The following POLR3E variants were observed in gnomAD, a reference collection of about 807,000 sequenced individuals.
POLR3E encodes DNA-directed RNA polymerase III subunit RPC5.
Under a neutral mutation model 96.6 loss-of-function variants are expected in POLR3E, and 41 were observed. The observed-to-expected ratio is 0.42, with a 90% CI of 0.33 to 0.55. POLR3E has a LOEUF of 0.55. POLR3E is among the 20% of genes least tolerant of loss of function. POLR3E has a pLI of 0.06. For missense variants in POLR3E, 849 were observed against 952.1 expected, an observed-to-expected ratio of 0.89 and a Z score of 1.43; for synonymous variants, 396 against 383.6, an observed-to-expected ratio of 1.03 and a Z score of -0.38.
intron 18 of POLR3E, chr16:22,328,270 C>T (rs1484010108): frequency 1.3e-5 from 7 of 535,684 alleles, no homozygotes; most frequent in South Asian, 2.3e-5. Flanking sequence ...GGGCCCATCA[C>T]ACTCCCCCTC....
At chr16:22,305,322 A>G in intron 3 of POLR3E, 116 bp downstream of exon 3, 1 of 802,226 alleles carries the variant, frequency 1.2e-6, no homozygotes, top group South Asian at 1.3e-5. Flanking sequence ...CGGTGTGGAG[A>G]GTGTCATGGG....
chr16:22,328,354 T>C, intron 18 of POLR3E, 156 bp from the exon 19 acceptor site: 1 of 658,148 alleles, frequency 1.5e-6, no homozygotes. Context: ...CACAGGTTTG[T>C]GGCTGCCCAA....
At chr16:22,300,483 G>A (rs1327108078) in intron 1 of POLR3E, among the ~76,000 whole-genome samples, 1 of 152,224 alleles carries the variant, frequency 6.6e-6, no homozygotes, top group Admixed American at 6.5e-5. Flanking sequence ...GGCCAACAGG[G>A]CATAGCAATA....
chr16:22,309,311 G>T, intron 5 of POLR3E, 117 bp from the exon 6 acceptor site: 3 of 847,598 alleles, frequency 3.5e-6, no homozygotes, highest in African/African-American at 3.3e-5. Context: ...CTGCCCTGCG[G>T]CCTTGGTCCC....
At chr16:22,306,848 C>T (rs914807621) in intron 3 of POLR3E, among the ~76,000 whole-genome samples, 1 of 152,202 alleles carries the variant, frequency 6.6e-6, no homozygotes, top group African/African-American at 2.4e-5. Flanking sequence ...TCCCATGATG[C>T]ACATGAGAAC....
At chr16:22,314,010 C>A (rs995878192) in intron 7 of POLR3E, 69 bp from the exon 8 acceptor site, 1 of 1,371,090 alleles carries the variant, frequency 7.3e-7, no homozygotes, top group Non-Finnish European at 1.0e-6. Context: ...GCTTCCCTGG[C>A]GGGTGGGGTT....
Position 22,313,875 on chromosome 16 carries a change from G to A in POLR3E, c.472+148G>A, listed in dbSNP as rs934888833. On this transcript the variant is annotated intron_variant, in intron 7 of 20. Transcript: ENST00000299853. This position sits in a 1 kb window ranked among gnomAD's most constrained non-coding sequence, Gnocchi z 4.1. Reference sequence around the variant, plus strand: ...TGCCAGAAGCACCCACCCCACAGTCGTGACAATCAAAAAGGTCACATTGCC... The same window carrying A: ...TGCCAGAAGCACCCACCCCACAGTCATGACAATCAAAAAGGTCACATTGCC... 3.4e-5 allele frequency: 24 copies of A among 701,430 alleles called. No homozygotes were observed. Among genetic ancestry groups the A allele is most frequent in the Middle Eastern group, 3.8e-4 (1 of 2,644 alleles). 43.5% of individuals were successfully genotyped at this position (701,430 alleles called of 1,614,324 possible). A position where few individuals can be genotyped will look rare whatever the true frequency, so the allele number is the denominator to read the frequency against.
chr16:22,302,074 C>A (rs774749800), intron 1 of POLR3E, among the ~76,000 whole-genome samples: 2 of 152,028 alleles, frequency 1.3e-5, no homozygotes, highest in Non-Finnish European at 2.9e-5. Flanking sequence ...AAATACTCAA[C>A]CTGCCCCGTG....
chr16:22,309,501 T>A lies in POLR3E; in HGVS notation c.355T>A (p.Tyr119Asn). 1 of 1,611,944 alleles carries A rather than the reference T, an allele frequency of 6.2e-7. No homozygotes were observed. The highest frequency in any genetic ancestry group is 8.5e-7 in the Non-Finnish European group (1 of 1,178,338). Reference protein sequence around the residue: ...SNTSRYAAALYRQGELHLTPL... With the variant: ...SNTSRYAAALNRQGELHLTPL... ...CACATCCCGTTATGCCGCTGCACTCTACAGGCAAGGTACCCGGGGCTGGGT... is the reference window on the plus strand; with the variant it reads ...CACATCCCGTTATGCCGCTGCACTCAACAGGCAAGGTACCCGGGGCTGGGT... The change falls in exon 6 of 21, where the codon TAC (tyrosine) becomes AAC (asparagine). Residue 119 changes from tyrosine (Y) to asparagine (N), a missense_variant. Tyr to Asn is a moderately radical substitution (Grantham distance 143). Transcript: ENST00000299853.
At chr16:22,329,981 AT>A (rs1379366391) in intron 19 of POLR3E, among the ~76,000 whole-genome samples, 1 of 152,076 alleles carries the variant, frequency 6.6e-6, no homozygotes, top group Admixed American at 6.6e-5. Flanking sequence ...GTCATTAGCA[AT>A]GGGCTTCCCA....
chr16:22,322,715 A>G lies in POLR3E; in HGVS notation c.987-135A>G. On this transcript the variant is annotated intron_variant, in intron 13 of 20. Transcript: ENST00000299853. This position sits in a 1 kb window ranked among gnomAD's most constrained non-coding sequence, Gnocchi z 5.2. The stretch of plus-strand genomic sequence containing the variant: ...TCTGTGTTCACAGATGTGGCTCCTA[A>G]GGGGAGGTCTTGGGGCTCAGGCCTG... The G allele has an allele frequency of 1.6e-6, 1 of 613,592 alleles. No homozygotes were observed. Among genetic ancestry groups the G allele is most frequent in the South Asian group, 1.9e-5 (1 of 53,366 alleles). 38.0% of individuals were successfully genotyped at this position (613,592 alleles called of 1,614,324 possible).
intron 3 of POLR3E, among the ~76,000 whole-genome samples, chr16:22,306,456 T>C (rs1224184713): frequency 6.6e-6 from 1 of 152,178 alleles, no homozygotes; most frequent in Non-Finnish European, 1.5e-5. Flanking sequence ...GGTTTCACTA[T>C]GTTGGCCAGC....
Position 22,317,158 on chromosome 16 carries a change from C to T in POLR3E, c.817C>T (p.Leu273=). 6.2e-7 allele frequency: 1 copy of T among 1,614,046 alleles called. No individual in the cohort carries two copies. Among genetic ancestry groups the T allele is most frequent in the Non-Finnish European group, 8.5e-7 (1 of 1,180,018 alleles). ...APSNVLSMAQ[L]RTLPLADQIK... ...CAGCAACGTCCTGTCGATGGCCCAG[C>T]TGCGCACGCTGCCCCTGGCCGATCA... The change falls in exon 12 of 21, where the codon CTG becomes TTG. Residue 273 remains leucine, a synonymous_variant. Transcript: ENST00000299853.
At chr16:22,325,554 G>T (rs889830326) in intron 17 of POLR3E, among the ~76,000 whole-genome samples, 1 of 152,150 alleles carries the variant, frequency 6.6e-6, no homozygotes, top group African/African-American at 2.4e-5. Flanking sequence ...AGAGCTGCTG[G>T]GGGGAGGAAC....
chr16:22,314,862 G>A (rs1428011326), intron 8 of POLR3E: 2 of 421,618 alleles, frequency 4.7e-6, no homozygotes, highest in Non-Finnish European at 8.7e-6. Flanking sequence ...TCCCCCTCAA[G>A]CCTCTGGGCT....
At chr16:22,326,572 ACCC>A (rs1567330304) in intron 18 of POLR3E, 1 of 509,536 alleles carries the variant, frequency 2.0e-6, no homozygotes, top group African/African-American at 1.9e-5. Context: ...CTGGTTTCTC[ACCC>A]TGTCCCCCAC....
chr16:22,332,184 A>G lies in POLR3E; in HGVS notation c.2069A>G (p.Lys690Arg). The change falls in exon 20 of 21, where the codon AAG becomes AGG. Residue 690 changes from lysine (K) to arginine (R), a missense_variant and splice_region_variant. By Grantham distance (26) the Lys-to-Arg change is conservative. Transcript: ENST00000299853. Reference sequence around the variant, plus strand: ...AAACAGGAGGTGGATAAAGTACTAAAGGTACATCCATTTTGTGCATAACAA... The same window carrying G: ...AAACAGGAGGTGGATAAAGTACTAAGGGTACATCCATTTTGTGCATAACAA... ...LSKQEVDKVL[K>R]DCCVSYGGMW... is the part of the protein sequence containing the mutation. 6.2e-7 allele frequency: 1 copy of G among 1,612,664 alleles called. No individual in the cohort carries two copies. Among genetic ancestry groups the G allele is most frequent in the Non-Finnish European group, 8.5e-7 (1 of 1,179,154 alleles).
intron 18 of POLR3E, chr16:22,328,254 T>C: frequency 2.0e-6 from 1 of 496,756 alleles, no homozygotes; most frequent in Non-Finnish European, 3.7e-6. Context: ...AGCCGGGCAT[T>C]TCACTGGGCC....
chr16:22,324,422 C>T lies in POLR3E; in HGVS notation c.1128+9C>T, dbSNP rs1012699497. 12 of 1,611,698 alleles carry T rather than the reference C, an allele frequency of 7.4e-6. No homozygotes were observed. The highest frequency in any genetic ancestry group is 9.3e-6 in the Non-Finnish European group (11 of 1,179,044). On this transcript the variant is annotated intron_variant, in intron 15 of 20. Transcript: ENST00000299853. ...TGGCAACCGTGACCAAAGTAAGTGG[C>T]GTTTTTGTGGTCTGAGGCCCAGGCT... is the stretch of plus-strand genomic sequence containing the variant.
Sources: allele counts gnomAD v4.1 joint callset (sites outside exome capture counted in the v4.1 genomes callset), GRCh38; gene constraint gnomAD v4.1.1; non-coding constraint Gnocchi (gnomAD v3.1); transcripts MANE v1.5; gene names NCBI Gene and HGNC (gene_info 2026-07-23, HGNC 2026-07-21).